The following NEMF variants were observed in gnomAD, a reference collection of about 807,000 sequenced individuals.
NEMF encodes ribosome quality control complex subunit NEMF.
NEMF carries 89 observed loss-of-function variants against 162.2 expected under a neutral mutation model. The observed-to-expected ratio is 0.55, with a 90% confidence interval of 0.46 to 0.65. The LOEUF (loss-of-function observed/expected upper bound fraction) is 0.65, where lower values mean the gene tolerates loss of function less well. Among genes scored for constraint, NEMF ranks in the 30% least tolerant of loss-of-function variants. NEMF has a pLI of 0.00. For synonymous variants in NEMF, 421 were observed against 404.5 expected (o/e 1.04, Z -0.49); for missense variants, 1,133 against 1,261.9 (o/e 0.90, Z 1.55).
At position 49,782,831 on chromosome 14, in the gene NEMF, C is replaced by T. The variant is rs1889972398; in HGVS notation, c.*1805G>A. ...TTCTCTTTCCTTGTCCACTTTCAGG[C>T]TAAGCTTAGAAGCAGTCATTTGCTT... On this transcript the variant is annotated 3_prime_UTR_variant, in exon 33 of 33. Transcript: ENST00000298310. 1 of 1,611,876 alleles carries T rather than the reference C, an allele frequency of 6.2e-7. No individual in the cohort carries two copies. Among genetic ancestry groups the T allele is most frequent in the Non-Finnish European group, 8.5e-7 (1 of 1,179,346 alleles).
intron 16 of NEMF, among the ~76,000 whole-genome samples, chr14:49,816,571 C>T (rs1436651662): frequency 6.6e-6 from 1 of 152,202 alleles, no homozygotes; most frequent in Non-Finnish European, 1.5e-5. Context: ...CCCAGCAGCC[C>T]AGCTGTAAAA....
rs1890332714 is a variant in NEMF, at chr14:49,789,307, CCTT to C, written c.2731_2733del (p.Lys911del). ...TCGTCCTTTGTTTTTCCTTTCTTCC[CCTT>C]CTTCCCTTTTTCTTCTTTGTTTGAA... On this transcript the variant is annotated inframe_deletion, in exon 28 of 33. Coordinates refer to ENST00000298310, the MANE Select transcript of NEMF (RefSeq NM_004713.6). 5.6e-6 allele frequency: 9 copies of C among 1,614,114 alleles called. No individual in the cohort carries two copies. The highest frequency in any genetic ancestry group is 1.3e-5 in the African/African-American group (1 of 75,028).
rs1889939661 is a variant in NEMF, at chr14:49,782,247, CATG to C, written c.*2386_*2388del. On this transcript the variant is annotated 3_prime_UTR_variant, in exon 33 of 33. Transcript: ENST00000298310. ...TTTCCCTTAAGATTTTACTTCTCGC[CATG>C]ATGTTTTGGTCTGAACTACCTTAAG... is the stretch of plus-strand genomic sequence containing the variant. The C allele has an allele frequency of 3.5e-6, 2 of 571,648 alleles. No homozygotes were observed. The highest frequency in any genetic ancestry group is 1.9e-5 in the African/African-American group (1 of 51,626). 35.4% of individuals were successfully genotyped at this position (571,648 alleles called of 1,614,324 possible).
intron 26 of NEMF, among the ~76,000 whole-genome samples, chr14:49,795,396 G>C (rs905954846): frequency 1.3e-5 from 2 of 152,056 alleles, no homozygotes; most frequent in Non-Finnish European, 2.9e-5. Flanking sequence ...AGTGTGGAAA[G>C]AGTATGTTCT....
At chr14:49,851,772 G>A (rs1365435270) in intron 2 of NEMF, 35 bp downstream of exon 2, 2 of 1,463,606 alleles carry the variant, frequency 1.4e-6, no homozygotes, top group Admixed American at 1.8e-5. Flanking sequence ...ATACTTAATT[G>A]TCAAAGAGAA....
At chr14:49,836,101 G>A (rs1337816419) in intron 6 of NEMF, among the ~76,000 whole-genome samples, 1 of 152,142 alleles carries the variant, frequency 6.6e-6, no homozygotes, top group African/African-American at 2.4e-5. Context: ...CCAAGAAGGT[G>A]AAACCCCATC....
chr14:49,844,110 A>C (rs898005447), intron 4 of NEMF, among the ~76,000 whole-genome samples: 3 of 151,240 alleles, frequency 2.0e-5, no homozygotes, highest in Non-Finnish European at 4.4e-5. Flanking sequence ...AAAAAAAAAA[A>C]CCAAAACAAA....
chr14:49,790,602 G>A (rs1890394118), intron 26 of NEMF, among the ~76,000 whole-genome samples: 1 of 152,162 alleles, frequency 6.6e-6, no homozygotes, highest in Non-Finnish European at 1.5e-5. Context: ...AAAACTGATT[G>A]ACAGGATCTA....
chr14:49,812,911 G>A (rs1377184072), intron 18 of NEMF, among the ~76,000 whole-genome samples: 1 of 152,040 alleles, frequency 6.6e-6, no homozygotes, highest in African/African-American at 2.4e-5. Context: ...GAGTAGCTGG[G>A]ACTACAGGCG....
At chr14:49,789,715 G>A (rs1057112110) in intron 26 of NEMF, 142 bp from the exon 27 acceptor site, 1 of 1,222,072 alleles carries the variant, frequency 8.2e-7, no homozygotes, top group Non-Finnish European at 1.1e-6. Context: ...CAATATGAAG[G>A]CTACAAAGTT....
At chr14:49,843,087 G>A (rs1395220773) in intron 4 of NEMF, among the ~76,000 whole-genome samples, 1 of 152,100 alleles carries the variant, frequency 6.6e-6, no homozygotes, top group Non-Finnish European at 1.5e-5. Flanking sequence ...CAAATAATCA[G>A]CAAAGGGCTC....
intron 25 of NEMF, among the ~76,000 whole-genome samples, chr14:49,797,876 GGCTA>G (rs1890764499): frequency 6.6e-6 from 1 of 152,118 alleles, no homozygotes; most frequent in Non-Finnish European, 1.5e-5. Context: ...TCCTGGCCAC[GGCTA>G]CCATCTGTGC....
At chr14:49,798,701 A>G (rs11851108) in intron 25 of NEMF, among the ~76,000 whole-genome samples, 3,329 of 152,186 alleles carry the variant, frequency 0.022, 142 homozygotes, top group African/African-American at 0.076. Flanking sequence ...AGGTCAGAAG[A>G]TCGAGACTAT....
chr14:49,790,384 C>T (rs936561859), intron 26 of NEMF, among the ~76,000 whole-genome samples: 1 of 152,004 alleles, frequency 6.6e-6, no homozygotes, highest in African/African-American at 2.4e-5. Context: ...ATAGGCACTT[C>T]GAAAGAGGAT....
At position 49,811,529 on chromosome 14, in the gene NEMF, G is replaced by A. The variant is rs148512987; in HGVS notation, c.1744+2459C>T. On this transcript the variant is annotated intron_variant, in intron 18 of 32. Transcript: ENST00000298310. The stretch of plus-strand genomic sequence containing the variant: ...ATATTTGTCTTATTACTGATGGGAG[G>A]AGGAAGGTACCCAATCTTTCAGCAT... Among the ~76,000 whole-genome samples the A allele has an allele frequency of 6.5e-3, 987 of 152,258 alleles. 6 individuals carry two copies. Among genetic ancestry groups the A allele is most frequent in the Middle Eastern group, 0.014 (4 of 294 alleles).
intron 18 of NEMF, among the ~76,000 whole-genome samples, chr14:49,810,926 G>C (rs1041514663): frequency 1.3e-5 from 2 of 152,194 alleles, no homozygotes; most frequent in African/African-American, 4.8e-5. Context: ...GAAAGTTCAA[G>C]GCTGCAGTGA....
At chr14:49,833,621 G>C (rs919182255) in intron 7 of NEMF, 125 bp from the exon 8 acceptor site, 1 of 538,660 alleles carries the variant, frequency 1.9e-6, no homozygotes, top group Non-Finnish European at 3.3e-6. Context: ...GAAAATTAGA[G>C]ATAGTGATTT....
intron 18 of NEMF, among the ~76,000 whole-genome samples, chr14:49,810,729 G>C (rs1891436703): frequency 6.6e-6 from 1 of 152,188 alleles, no homozygotes; most frequent in Admixed American, 6.5e-5. Flanking sequence ...AGTGGCTCAT[G>C]CCTGTAATCC....
chr14:49,821,268 C>G (rs1261303898), intron 16 of NEMF, among the ~76,000 whole-genome samples: 19 of 6,282 alleles, frequency 3.0e-3, no homozygotes, highest in African/African-American at 3.3e-3. Flanking sequence ...AGGTGGGGGG[C>G]TCAGCCCCCC....
Sources: gnomAD v4.1 joint callset for allele counts (sites outside exome capture counted in the v4.1 genomes callset) on GRCh38, gnomAD v4.1.1 for gene constraint, MANE v1.5 for transcripts, NCBI Gene and HGNC (gene_info 2026-07-23, HGNC 2026-07-21) for gene names.